DLGAP2: variants seen among roughly 807,000 people sequenced by gnomAD.
The protein encoded by DLGAP2 is DLG associated protein 2.
In DLGAP2, 26 loss-of-function variants were observed where a neutral mutation model predicts 100.3. The ratio of observed to expected loss-of-function variants is 0.26; its 90% CI spans 0.19 to 0.36. The LOEUF (loss-of-function observed/expected upper bound fraction) is 0.36. DLGAP2 is among the 10% of genes least tolerant of loss of function. The pLI, the probability that DLGAP2 is intolerant of heterozygous loss-of-function variation, is 1.00. For missense variants in DLGAP2, 1,858 were observed against 1,453.2 expected, an observed-to-expected ratio of 1.28 and a Z score of -4.53; for synonymous variants, 886 against 630.1, an observed-to-expected ratio of 1.41 and a Z score of -6.08.
intron 3 of DLGAP2, among the ~76,000 whole-genome samples, chr8:1,414,027 G>T (rs1046193253): frequency 6.6e-6 from 1 of 152,216 alleles, no homozygotes; most frequent in East Asian, 1.9e-4. Flanking sequence ...GCACCGTGTG[G>T]ACACTTAGTG....
intron 2 of DLGAP2, among the ~76,000 whole-genome samples, chr8:1,054,890 T>C (rs1802831062): frequency 6.6e-6 from 1 of 152,242 alleles, no homozygotes; most frequent in African/African-American, 2.4e-5. Flanking sequence ...GCTTTGTGTT[T>C]GTTTTATAAA....
intron 8 of DLGAP2, among the ~76,000 whole-genome samples, chr8:1,643,613 C>A (rs370040126): frequency 5.0e-4 from 1 of 2,018 alleles, no homozygotes; most frequent in African/African-American, 8.5e-3. Flanking sequence ...TCACCCTCGA[C>A]CCCGCCGGCC....
intron 3 of DLGAP2, among the ~76,000 whole-genome samples, chr8:1,285,472 G>T (rs1482026911): frequency 6.6e-6 from 1 of 152,156 alleles, no homozygotes; most frequent in African/African-American, 2.4e-5. Flanking sequence ...GCCTGTCCTG[G>T]AGATGATGGA....
intron 1 of DLGAP2, among the ~76,000 whole-genome samples, chr8:806,609 T>A (rs955492915): frequency 6.6e-6 from 1 of 152,154 alleles, no homozygotes; most frequent in Admixed American, 6.5e-5. Context: ...CAGGCTTCCT[T>A]GCTCGGCTGC....
At chr8:1,326,478 C>T (rs1430180237) in intron 3 of DLGAP2, among the ~76,000 whole-genome samples, 1 of 152,016 alleles carries the variant, frequency 6.6e-6, no homozygotes, top group African/African-American at 2.4e-5. Flanking sequence ...GGCACGCGCT[C>T]GGTCTCGGTC....
chr8:807,119 G>A (rs1279820502), intron 1 of DLGAP2, among the ~76,000 whole-genome samples: 1 of 152,210 alleles, frequency 6.6e-6, no homozygotes, highest in Non-Finnish European at 1.5e-5. Context: ...GTTTTAACTT[G>A]CTCTGTGTGG....
At chr8:1,423,485 C>A (rs1231524331) in intron 3 of DLGAP2, among the ~76,000 whole-genome samples, 1 of 152,246 alleles carries the variant, frequency 6.6e-6, no homozygotes, top group Non-Finnish European at 1.5e-5. Flanking sequence ...CCGCTCCATG[C>A]ACTTCTGGCA....
chr8:1,110,633 G>T (rs1023023527), intron 2 of DLGAP2, among the ~76,000 whole-genome samples: 1 of 151,954 alleles, frequency 6.6e-6, no homozygotes, highest in East Asian at 1.9e-4. Flanking sequence ...GTGCCATACT[G>T]TCCCTGAAAT....
intron 6 of DLGAP2, among the ~76,000 whole-genome samples, chr8:1,618,953 C>T (rs886119647): frequency 2.6e-5 from 4 of 152,108 alleles, no homozygotes; most frequent in African/African-American, 7.2e-5. Context: ...AGGGCCTAAT[C>T]GCCCCAGATT....
chr8:1,257,095 C>T (rs545474477), intron 2 of DLGAP2, among the ~76,000 whole-genome samples: 2 of 151,980 alleles, frequency 1.3e-5, no homozygotes, highest in South Asian at 4.1e-4. Context: ...CAGATGTGTC[C>T]ACCCCGAGGC....
intron 1 of DLGAP2, among the ~76,000 whole-genome samples, chr8:805,375 T>C (rs1228169573): frequency 6.6e-6 from 1 of 152,176 alleles, no homozygotes; most frequent in Non-Finnish European, 1.5e-5. Context: ...GGGAGTTTCT[T>C]TGGGGCTGGG....
At chr8:1,132,757 ACAT>A (rs1211229941) in intron 2 of DLGAP2, among the ~76,000 whole-genome samples, 1 of 152,224 alleles carries the variant, frequency 6.6e-6, no homozygotes. Context: ...GCTACAGGCA[ACAT>A]CATAAATCAA....
chr8:1,319,187 C>T (rs1215472909), intron 3 of DLGAP2, among the ~76,000 whole-genome samples: 1 of 152,158 alleles, frequency 6.6e-6, no homozygotes, highest in Non-Finnish European at 1.5e-5. Context: ...TGGCTCCCCT[C>T]CCTCCTCCCT....
chr8:1,249,517 A>T (rs767230789), intron 2 of DLGAP2, among the ~76,000 whole-genome samples: 1 of 152,230 alleles, frequency 6.6e-6, no homozygotes, highest in African/African-American at 2.4e-5. Context: ...CTTTTGCTTG[A>T]TGAAATATTT....
At chr8:1,198,744 C>G (rs1184862863) in intron 2 of DLGAP2, among the ~76,000 whole-genome samples, 1 of 152,198 alleles carries the variant, frequency 6.6e-6, no homozygotes, top group Non-Finnish European at 1.5e-5. Context: ...GGGAAGGTGT[C>G]CTTTGGCAAG....
intron 2 of DLGAP2, among the ~76,000 whole-genome samples, chr8:1,054,480 A>G (rs1802818993): frequency 6.6e-6 from 1 of 152,214 alleles, no homozygotes. Context: ...ATAAGTTTTT[A>G]CATAAGTGCT....
At chr8:1,451,341 C>G (rs1231107144) in intron 3 of DLGAP2, among the ~76,000 whole-genome samples, 1 of 152,164 alleles carries the variant, frequency 6.6e-6, no homozygotes, top group Admixed American at 6.5e-5. Flanking sequence ...CACCCCTTTC[C>G]CTGTCCAAGT....
At chr8:1,209,670 C>T (rs1034065448) in intron 2 of DLGAP2, among the ~76,000 whole-genome samples, 1 of 152,202 alleles carries the variant, frequency 6.6e-6, no homozygotes, top group African/African-American at 2.4e-5. Context: ...ATTCCAAGCA[C>T]TCTTAGAATG....
intron 1 of DLGAP2, among the ~76,000 whole-genome samples, chr8:897,690 C>T (rs1584872396): frequency 1.3e-5 from 2 of 152,200 alleles, no homozygotes; most frequent in African/African-American, 4.8e-5. Flanking sequence ...TCCTCCCGCC[C>T]CTCCCCCTCC....
Sources: allele counts gnomAD v4.1 joint callset (sites outside exome capture counted in the v4.1 genomes callset), GRCh38; gene constraint gnomAD v4.1.1; transcripts MANE v1.5; gene names NCBI Gene and HGNC (gene_info 2026-07-23, HGNC 2026-07-21).